The following CARD9 variants were observed in gnomAD, a reference collection of about 807,000 sequenced individuals.
The protein encoded by CARD9 is caspase recruitment domain family member 9.
Under a neutral mutation model 66.0 loss-of-function variants are expected in CARD9, and 53 were observed. The ratio of observed to expected loss-of-function variants is 0.80; its 90% CI spans 0.64 to 1.01. The LOEUF (loss-of-function observed/expected upper bound fraction) is 1.01, where lower values mean the gene tolerates loss of function less well. Ranked by LOEUF, CARD9 falls within the 50% of genes least tolerant of loss-of-function variation. CARD9 has a pLI of 0.00. For synonymous variants in CARD9, 387 were observed against 313.8 expected, an observed-to-expected ratio of 1.23 and a Z score of -2.47; for missense variants, 769 against 743.2, an observed-to-expected ratio of 1.03 and a Z score of -0.40.
chr9:136,370,972 CCTT>C lies in CARD9; in HGVS notation c.493_495del (p.Lys165del). 3.7e-6 allele frequency: 6 copies of C among 1,610,780 alleles called. No homozygotes were observed. Among genetic ancestry groups the C allele is most frequent in the Non-Finnish European group, 5.1e-6 (6 of 1,179,112 alleles). ...TCGCGGCTGCCGGCCTCGCACTCCT[CCTT>C]GAGCCTCTGCACACGCTCCTGGTGC... On this transcript the variant is annotated inframe_deletion, in exon 4 of 13. Coordinates refer to ENST00000371732, the MANE Select transcript of CARD9 (RefSeq NM_052813.5).
In CARD9 at chr9:136,370,514, G is replaced by T; in HGVS notation, c.807+8C>A. 1.3e-6 allele frequency: 2 copies of T among 1,599,914 alleles called. No homozygotes were observed. Among genetic ancestry groups the T allele is most frequent in the South Asian group, 2.2e-5 (2 of 89,592 alleles). On this transcript the variant is annotated splice_region_variant and intron_variant, in intron 5 of 12. Transcript: ENST00000371732. ...CCTGGGCTGCACCTGCCCTGCCTAC[G>T]GCCCCACCTGGACGGAGGCCTCCAG...
At position 136,372,052 on chromosome 9, in the gene CARD9, C is replaced by T. The variant is rs1034840190; in HGVS notation, c.27G>A (p.Glu9=). Residue 9 remains glutamate (E), a synonymous_variant, in exon 2 of 13, where the codon GAG becomes GAA. Coordinates refer to ENST00000371732, the MANE Select transcript of CARD9 (RefSeq NM_052813.5). Reference sequence around the variant, plus strand: ...GGAAGCCCTCCAGGACGCTCCAGCACTCGTCATCGTTCTCGTAGTCCGACA... The same window carrying T: ...GGAAGCCCTCCAGGACGCTCCAGCATTCGTCATCGTTCTCGTAGTCCGACA... MSDYENDD[E]CWSVLEGFRV... is the part of the protein sequence containing the mutation. The T allele has an allele frequency of 6.2e-7, 1 of 1,612,640 alleles. No individual in the cohort carries two copies. Among genetic ancestry groups the T allele is most frequent in the African/African-American group, 1.3e-5 (1 of 74,916 alleles).
At chr9:136,373,128 G>C (rs1833314705) in intron 1 of CARD9, among the ~76,000 whole-genome samples, 2 of 152,232 alleles carry the variant, frequency 1.3e-5, no homozygotes, top group Non-Finnish European at 2.9e-5. Context: ...CTGGTTTCCA[G>C]CCCAGAGGAG....
intron 10 of CARD9, 29 bp downstream of exon 10, chr9:136,366,771 C>T (rs1833133941): frequency 1.2e-6 from 2 of 1,612,590 alleles, no homozygotes; most frequent in Non-Finnish European, 1.7e-6. Context: ...GCTGGGAGGC[C>T]TCTGGGTGTA....
Position 136,370,309 on chromosome 9 carries a change from C to G in CARD9, c.936G>C (p.Glu312Asp). The G allele has an allele frequency of 6.2e-7, 1 of 1,605,534 alleles. No individual in the cohort carries two copies. Among genetic ancestry groups the G allele is most frequent in the South Asian group, 1.1e-5 (1 of 90,522 alleles). The part of the protein sequence containing the change: ...FSLRKDLRQG[E>D]ARRLRCMEEK... ...GCCCTCCTACCCGGAGGCGTCGGGC[C>G]TCGCCCTGGCGGAGGTCCTTGCGCA... Residue 312 changes from glutamate (E) to aspartate (D), a missense_variant, in exon 6 of 13, where the codon GAG becomes GAC. By Grantham distance (45) the Glu-to-Asp change is conservative. Transcript: ENST00000371732.
At chr9:136,368,539 G>A (rs937688684) in intron 7 of CARD9, among the ~76,000 whole-genome samples, 13 of 152,244 alleles carry the variant, frequency 8.5e-5, no homozygotes, top group African/African-American at 1.2e-4. Flanking sequence ...CAGGGGTCTC[G>A]TTTTAAGGCT....
chr9:136,364,430 C>G, intron 12 of CARD9, 29 bp from the exon 13 acceptor site: 6 of 1,541,896 alleles, frequency 3.9e-6, no homozygotes, highest in Non-Finnish European at 5.2e-6. Context: ...CAGGCGCGAC[C>G]CGGCTGCCGC....
At chr9:136,371,765 G>C in intron 2 of CARD9, 130 bp downstream of exon 2, 3 of 1,448,784 alleles carry the variant, frequency 2.1e-6, no homozygotes, top group Non-Finnish European at 2.8e-6. Flanking sequence ...TTGGGCCTCA[G>C]TCAGAGGCCA....
At chr9:136,369,364 G>C (rs1005816194) in intron 7 of CARD9, among the ~76,000 whole-genome samples, 9 of 152,262 alleles carry the variant, frequency 5.9e-5, no homozygotes, top group Admixed American at 2.6e-4. Context: ...ATAGATGATA[G>C]ACAGATGGAT....
rs781549164 is a variant in CARD9 at position 136,363,999 on chromosome 9, A to G, written c.*303T>C. On this transcript the variant is annotated 3_prime_UTR_variant, in exon 13 of 13. Coordinates refer to ENST00000371732, the MANE Select transcript of CARD9 (RefSeq NM_052813.5). ...TTTATTTACGCAGCTGTGTTTTCTAACACTAATACAATGCATGCATGTATT... is the reference window on the plus strand; with the variant it reads ...TTTATTTACGCAGCTGTGTTTTCTAGCACTAATACAATGCATGCATGTATT... 7.8e-7 allele frequency: 1 copy of G among 1,275,486 alleles called. No individual in the cohort carries two copies. The highest frequency in any genetic ancestry group is 1.1e-6 in the Non-Finnish European group (1 of 897,096). The allele number at this position is 1,275,486 out of a possible 1,614,324, so 79.0% of individuals were successfully genotyped here.
At chr9:136,364,679 C>G in intron 11 of CARD9, 120 bp from the exon 12 acceptor site, 1 of 1,007,940 alleles carries the variant, frequency 9.9e-7, no homozygotes, top group Non-Finnish European at 1.4e-6. Flanking sequence ...GCCCAGACAG[C>G]CTCAGCTCAG....
chr9:136,367,107 C>A, intron 9 of CARD9, 109 bp downstream of exon 9: 2 of 1,322,896 alleles, frequency 1.5e-6, no homozygotes, highest in East Asian at 2.5e-5. Flanking sequence ...CAGCCCAGCC[C>A]ACCGAGCAGG....
rs1833048243 is a variant in CARD9 at position 136,364,017 on chromosome 9, C to T, written c.*285G>A. ...TTTTCTAACACTAATACAATGCATG[C>T]ATGTATTGTGTGTTACATGGTGAAA... On this transcript the variant is annotated 3_prime_UTR_variant, in exon 13 of 13. Coordinates refer to ENST00000371732, the MANE Select transcript of CARD9 (RefSeq NM_052813.5). The T allele has an allele frequency of 7.3e-7, 1 of 1,362,550 alleles. No homozygotes were observed. The highest frequency in any genetic ancestry group is 1.0e-6 in the Non-Finnish European group (1 of 975,594). 84.4% of individuals were successfully genotyped at this position (1,362,550 alleles called of 1,614,324 possible). A position where few individuals can be genotyped will look rare whatever the true frequency, so the allele number is the denominator to read the frequency against.
Position 136,372,094 on chromosome 9 carries a change from G to A in CARD9, c.-16C>T. On this transcript the variant is annotated splice_region_variant and 5_prime_UTR_variant, in exon 2 of 13. Coordinates refer to ENST00000371732, the MANE Select transcript of CARD9 (RefSeq NM_052813.5). ...AGTCCGACATGGCCTCAGCAGGCAG[G>A]CTGGGGAGTGTGGGGCAGTGCTGAG... is the stretch of plus-strand genomic sequence containing the variant. The A allele has an allele frequency of 1.2e-6, 2 of 1,612,268 alleles. No individual in the cohort carries two copies. Among genetic ancestry groups the A allele is most frequent in the Non-Finnish European group, 1.7e-6 (2 of 1,179,910 alleles).
At chr9:136,364,586 C>T (rs900916283) in intron 11 of CARD9, 27 bp from the exon 12 acceptor site, 70 of 1,532,596 alleles carry the variant, frequency 4.6e-5, no homozygotes, top group Middle Eastern at 2.2e-4. Context: ...GCTCGGGCTC[C>T]GGCCGGCTCC....
Position 136,364,353 on chromosome 9 carries a change from C to T in CARD9, c.1560G>A (p.Glu520=). Residue 520 remains glutamate, a synonymous_variant, in exon 13 of 13, where the codon GAG becomes GAA. Transcript: ENST00000371732. The part of the protein sequence containing the change: ...KMQKGWRQGE[E]DRENTTGSDN... ...CGCTGCCCGTGGTGTTCTCCCGGTC[C>T]TCCTCCCCCTGCCGCCATCCTTTCT... 6.4e-7 allele frequency: 1 copy of T among 1,570,200 alleles called. No individual in the cohort carries two copies. The highest frequency in any genetic ancestry group is 8.6e-7 in the Non-Finnish European group (1 of 1,159,254).
At chr9:136,367,476 C>G in intron 8 of CARD9, 161 bp downstream of exon 8, 1 of 991,214 alleles carries the variant, frequency 1.0e-6, no homozygotes, top group African/African-American at 1.6e-5. Flanking sequence ...GGACCCTGAA[C>G]TGCTCGTGTG....
chr9:136,365,581 G>A lies in CARD9; in HGVS notation c.1358-364C>T, dbSNP rs150916562. 2.3e-4 allele frequency: 70 copies of A among 308,382 alleles called. 1 individual carries two copies. The East Asian group carries it at 4.6e-3, about 20-fold the overall frequency. The allele number at this position is 308,382 out of a possible 1,614,324, so 19.1% of individuals were successfully genotyped here. A position where few individuals can be genotyped will look rare whatever the true frequency, so the allele number is the denominator to read the frequency against. ...ACTCCAAAGCATCTGTGGGCATGGCGGCCCTGGGGAGAGAGTTGGGGACAG... is the reference window on the plus strand; with the variant it reads ...ACTCCAAAGCATCTGTGGGCATGGCAGCCCTGGGGAGAGAGTTGGGGACAG... On this transcript the variant is annotated intron_variant, in intron 10 of 12. Transcript: ENST00000371732.
intron 10 of CARD9, 94 bp from the exon 11 acceptor site, chr9:136,365,311 G>T: frequency 1.7e-6 from 2 of 1,190,492 alleles, no homozygotes; most frequent in Non-Finnish European, 2.4e-6. Flanking sequence ...CAGTGGGGCT[G>T]TCTTCCAAGG....
Sources: gnomAD v4.1 joint callset for allele counts (sites outside exome capture counted in the v4.1 genomes callset) on GRCh38, gnomAD v4.1.1 for gene constraint, MANE v1.5 for transcripts, NCBI Gene and HGNC (gene_info 2026-07-23, HGNC 2026-07-21) for gene names.